The following GALNT14 variants were observed in gnomAD, a reference collection of about 807,000 sequenced individuals.
GALNT14 encodes polypeptide N-acetylgalactosaminyltransferase 14, also known as UDP-GalNAc:polypeptide N-acetylgalactosaminyltransferase 14.
GALNT14 carries 60 observed loss-of-function variants against 77.5 expected under a neutral mutation model. The ratio of observed to expected loss-of-function variants is 0.77; its 90% CI spans 0.63 to 0.96. The LOEUF (loss-of-function observed/expected upper bound fraction) is 0.96. Among genes scored for constraint, GALNT14 ranks in the 40% least tolerant of loss-of-function variants. GALNT14 has a pLI of 0.00. For synonymous variants in GALNT14, 280 were observed against 281.7 expected, an observed-to-expected ratio of 0.99 and a Z score of 0.06; for missense variants, 710 against 731.0, an observed-to-expected ratio of 0.97 and a Z score of 0.33.
intron 2 of GALNT14, among the ~76,000 whole-genome samples, chr2:30,980,570 A>G (rs1668924598): frequency 6.6e-6 from 1 of 152,144 alleles, no homozygotes; most frequent in Admixed American, 6.5e-5. Context: ...GGTCTCTGGG[A>G]GTTTGAGTAA....
intron 1 of GALNT14, among the ~76,000 whole-genome samples, chr2:31,136,053 A>C (rs766943086): frequency 6.6e-5 from 10 of 152,216 alleles, no homozygotes; most frequent in South Asian, 2.1e-4. Context: ...AGGTATCATT[A>C]ACTACATCAC....
chr2:30,972,476 A>G (rs1042795980), intron 2 of GALNT14, among the ~76,000 whole-genome samples: 4 of 152,204 alleles, frequency 2.6e-5, no homozygotes, highest in South Asian at 2.1e-4. Flanking sequence ...CTCAGCAGGC[A>G]CCACGCAGAG....
intron 1 of GALNT14, among the ~76,000 whole-genome samples, chr2:31,021,649 C>T (rs182544158): frequency 6.6e-6 from 1 of 152,308 alleles, no homozygotes; most frequent in African/African-American, 2.4e-5. Context: ...ATAGCCAAGC[C>T]CATTTGCTTG....
chr2:31,023,714 A>G (rs1434420443), intron 1 of GALNT14, among the ~76,000 whole-genome samples: 2 of 152,196 alleles, frequency 1.3e-5, no homozygotes, highest in East Asian at 3.9e-4. Flanking sequence ...TGGTTGGCAC[A>G]GTAGCCTCAT....
chr2:31,002,177 C>T (rs1345142969), intron 1 of GALNT14, among the ~76,000 whole-genome samples: 1 of 152,096 alleles, frequency 6.6e-6, no homozygotes, highest in East Asian at 1.9e-4. Flanking sequence ...CCCTGTAATC[C>T]CAGCACTTTT....
Position 30,972,172 on chromosome 2 carries a change from AATT to A in GALNT14, c.300-5873_300-5871del, listed in dbSNP as rs567724330. Among the ~76,000 whole-genome samples, 47 of 152,322 alleles carry A rather than the reference AATT, an allele frequency of 3.1e-4. No homozygotes were observed. In the East Asian group the frequency reaches 9.1e-3, roughly 29 times the overall value. Reference sequence around the variant, plus strand: ...AACTCTGAAGTGGAGAGGAGAGCGTAATTATTATTACTGAAATGTCAGTGTCAA... The same window carrying A: ...AACTCTGAAGTGGAGAGGAGAGCGTAATTATTACTGAAATGTCAGTGTCAA... On this transcript the variant is annotated intron_variant, in intron 2 of 14. Transcript: ENST00000349752.
intron 13 of GALNT14, among the ~76,000 whole-genome samples, chr2:30,920,777 G>A (rs759467163): frequency 4.1e-4 from 62 of 152,118 alleles, no homozygotes; most frequent in Non-Finnish European, 6.6e-4. Flanking sequence ...AAGTCGTGCC[G>A]TAGGCCCTGG....
chr2:31,109,320 T>G (rs150753722), intron 1 of GALNT14, among the ~76,000 whole-genome samples: 1 of 152,204 alleles, frequency 6.6e-6, no homozygotes, highest in East Asian at 1.9e-4. Context: ...TTTCTCTGAA[T>G]TGCCCACCTT....
intron 1 of GALNT14, among the ~76,000 whole-genome samples, chr2:31,106,672 G>A (rs147648306): frequency 6.6e-6 from 1 of 152,252 alleles, no homozygotes; most frequent in East Asian, 1.9e-4. Context: ...TAAATTCACT[G>A]TGAAATACTT....
chr2:31,072,248 TC>T (rs987585276), intron 1 of GALNT14, among the ~76,000 whole-genome samples: 8 of 149,284 alleles, frequency 5.4e-5, no homozygotes, highest in Middle Eastern at 6.9e-3. Flanking sequence ...ATGTCTCCTC[TC>T]TTTTCTCTCT....
At position 31,133,041 on chromosome 2, in the gene GALNT14, C is replaced by T. The variant is rs1299220859; in HGVS notation, c.129+4917G>A. Among the ~76,000 whole-genome samples, 11 of 152,040 alleles carry T rather than the reference C, an allele frequency of 7.2e-5. 1 individual carries two copies. Among genetic ancestry groups the T allele is most frequent in the Non-Finnish European group, 1.0e-4 (7 of 68,020 alleles). On this transcript the variant is annotated intron_variant, in intron 1 of 14. Coordinates refer to ENST00000349752, the MANE Select transcript of GALNT14 (RefSeq NM_024572.4). ...CAGAGGAAGAGGACAGCTTTGACTC[C>T]CCATGATCTCATCTCCAACCCTACC...
the GALNT14 span, among the ~76,000 whole-genome samples, chr2:30,894,818 G>A: frequency 2.0e-5 from 3 of 152,196 alleles, no homozygotes; most frequent in Admixed American, 1.3e-4. Flanking sequence ...TTCTTAGATG[G>A]CCAGCCCCCT....
intron 9 of GALNT14, among the ~76,000 whole-genome samples, chr2:30,933,737 C>T (rs987915951): frequency 1.3e-5 from 2 of 152,216 alleles, no homozygotes; most frequent in East Asian, 3.9e-4. Context: ...AATTTAGCTT[C>T]ACAGTCAGCA....
intron 1 of GALNT14, among the ~76,000 whole-genome samples, chr2:31,035,403 G>A (rs1334567408): frequency 6.6e-6 from 1 of 151,388 alleles, no homozygotes; most frequent in Non-Finnish European, 1.5e-5. Context: ...ATATTCATAT[G>A]GTTCTCTTTT....
At chr2:30,985,813 T>TC (rs949356630) in intron 2 of GALNT14, among the ~76,000 whole-genome samples, 1 of 151,924 alleles carries the variant, frequency 6.6e-6, no homozygotes, top group Non-Finnish European at 1.5e-5. Flanking sequence ...TGTGATGGGC[T>TC]CCCCCTCCCC....
At chr2:31,075,146 T>C (rs995759550) in intron 1 of GALNT14, among the ~76,000 whole-genome samples, 2 of 152,224 alleles carry the variant, frequency 1.3e-5, no homozygotes, top group Admixed American at 6.5e-5. Flanking sequence ...GCACACCCTC[T>C]GTTCTCTTTG....
intron 13 of GALNT14, 119 bp downstream of exon 13, chr2:30,924,000 G>A (rs548077787): frequency 1.1e-4 from 121 of 1,132,856 alleles, no homozygotes; most frequent in Non-Finnish European, 1.4e-4. Context: ...CTCCACTACC[G>A]ATCTCTGGGA....
intron 1 of GALNT14, among the ~76,000 whole-genome samples, chr2:31,128,652 T>C (rs762144030): frequency 1.3e-5 from 2 of 152,040 alleles, no homozygotes; most frequent in East Asian, 1.9e-4. Context: ...AGGGAGGTAG[T>C]AGCAGGGCAG....
chr2:31,012,327 A>G (rs541327951), intron 1 of GALNT14, among the ~76,000 whole-genome samples: 6 of 152,312 alleles, frequency 3.9e-5, no homozygotes, highest in African/African-American at 1.2e-4. Flanking sequence ...GACTTTAAGG[A>G]AGCAAGCAAA....
Sources: gnomAD v4.1 joint callset for allele counts (sites outside exome capture counted in the v4.1 genomes callset) on GRCh38, gnomAD v4.1.1 for gene constraint, MANE v1.5 for transcripts, NCBI Gene and HGNC (gene_info 2026-07-23, HGNC 2026-07-21) for gene names.